FSTL5: variants seen among roughly 807,000 people sequenced by gnomAD.
FSTL5 encodes the protein follistatin-related protein 5.
A neutral mutation model predicts 89.1 loss-of-function variants in FSTL5; 62 were observed. The observed-to-expected ratio is 0.70, with a 90% CI of 0.57 to 0.86. The LOEUF (loss-of-function observed/expected upper bound fraction) is 0.86. Among genes scored for constraint, FSTL5 ranks in the 40% least tolerant of loss-of-function variants. The pLI is 0.00. For synonymous variants in FSTL5, 383 were observed against 346.2 expected (o/e 1.11, Z -1.18); for missense variants, 1,057 against 1,001.6 (o/e 1.06, Z -0.75).
intron 4 of FSTL5, among the ~76,000 whole-genome samples, chr4:161,806,432 A>C (rs971834882): frequency 6.6e-6 from 1 of 152,138 alleles, no homozygotes; most frequent in Non-Finnish European, 1.5e-5. Context: ...AGGAAAAATG[A>C]GATGCATGTT....
At chr4:161,802,382 GC>G (rs1729826378) in intron 4 of FSTL5, among the ~76,000 whole-genome samples, 1 of 151,726 alleles carries the variant, frequency 6.6e-6, no homozygotes, top group Non-Finnish European at 1.5e-5. Flanking sequence ...CACAGTGAGT[GC>G]CCTTATAATT....
At chr4:161,597,337 T>C (rs1191339313) in intron 7 of FSTL5, among the ~76,000 whole-genome samples, 1 of 151,924 alleles carries the variant, frequency 6.6e-6, no homozygotes, top group East Asian at 2.0e-4. Flanking sequence ...GATCAGATAG[T>C]TGTAAGCTGG....
chr4:161,393,828 A>G (rs942098763), intron 15 of FSTL5, among the ~76,000 whole-genome samples: 5 of 152,136 alleles, frequency 3.3e-5, no homozygotes, highest in African/African-American at 1.2e-4. Flanking sequence ...CCTATAAATG[A>G]GCAGACAAGG....
At chr4:161,897,529 C>T (rs991779593) in intron 4 of FSTL5, among the ~76,000 whole-genome samples, 15 of 137,022 alleles carry the variant, frequency 1.1e-4, no homozygotes, top group Admixed American at 1.1e-3. Flanking sequence ...GAGCCAAGAT[C>T]GTGCCATTGC....
At chr4:162,021,643 G>A (rs1337798400) in intron 3 of FSTL5, among the ~76,000 whole-genome samples, 1 of 152,144 alleles carries the variant, frequency 6.6e-6, no homozygotes, top group Non-Finnish European at 1.5e-5. Context: ...CAGCAACATG[G>A]ATGGAATTGG....
intron 8 of FSTL5, among the ~76,000 whole-genome samples, chr4:161,565,793 T>C (rs960645707): frequency 1.1e-4 from 11 of 104,594 alleles, no homozygotes; most frequent in African/African-American, 4.0e-4. Flanking sequence ...ATATATATGA[T>C]ATTTTCTTTA....
chr4:161,849,811 T>C (rs1352120317), intron 4 of FSTL5, among the ~76,000 whole-genome samples: 1 of 152,172 alleles, frequency 6.6e-6, no homozygotes, highest in Admixed American at 6.5e-5. Context: ...TTAACTTATA[T>C]AACCTATAAA....
At chr4:161,559,877 G>A (rs748810970) in intron 8 of FSTL5, among the ~76,000 whole-genome samples, 14 of 151,806 alleles carry the variant, frequency 9.2e-5, no homozygotes, top group East Asian at 1.9e-4. Flanking sequence ...ATATGGTATA[G>A]CCAATATAGC....
intron 4 of FSTL5, among the ~76,000 whole-genome samples, chr4:161,803,230 C>A (rs1016133437): frequency 4.6e-5 from 7 of 151,852 alleles, no homozygotes; most frequent in African/African-American, 1.7e-4. Flanking sequence ...CAGGTTCATG[C>A]TACGACTATA....
chr4:161,954,960 G>T (rs148720148), intron 3 of FSTL5, among the ~76,000 whole-genome samples: 59 of 151,616 alleles, frequency 3.9e-4, no homozygotes, highest in African/African-American at 1.4e-3. Flanking sequence ...AAGTAATAAT[G>T]ACAACATGTT....
At chr4:162,017,467 G>C (rs2111147346) in intron 3 of FSTL5, among the ~76,000 whole-genome samples, 1 of 152,210 alleles carries the variant, frequency 6.6e-6, no homozygotes, top group Non-Finnish European at 1.5e-5. Context: ...GACCATATAA[G>C]GTGGCAGATG....
chr4:161,564,623 ATACT>A (rs1732735432), intron 8 of FSTL5, among the ~76,000 whole-genome samples: 1 of 151,566 alleles, frequency 6.6e-6, no homozygotes, highest in South Asian at 2.1e-4. Flanking sequence ...TTTCAAAATG[ATACT>A]TATAATCTTT....
At chr4:161,820,169 A>C (rs1730448011) in intron 4 of FSTL5, among the ~76,000 whole-genome samples, 1 of 152,184 alleles carries the variant, frequency 6.6e-6, no homozygotes, top group Non-Finnish European at 1.5e-5. Context: ...ATAGCAATTG[A>C]TAGAAATATT....
intron 4 of FSTL5, among the ~76,000 whole-genome samples, chr4:161,906,556 A>G (rs1733535423): frequency 6.6e-6 from 1 of 152,112 alleles, no homozygotes; most frequent in African/African-American, 2.4e-5. Flanking sequence ...GTAAGGATGT[A>G]CTTCTGTCAG....
intron 7 of FSTL5, among the ~76,000 whole-genome samples, chr4:161,654,569 C>A (rs1736451783): frequency 6.6e-6 from 1 of 152,014 alleles, no homozygotes; most frequent in African/African-American, 2.4e-5. Context: ...TAGAAAAGCT[C>A]TATCAAAATA....
intron 3 of FSTL5, among the ~76,000 whole-genome samples, chr4:161,921,063 C>A (rs1733981635): frequency 6.6e-6 from 1 of 152,102 alleles, no homozygotes; most frequent in Non-Finnish European, 1.5e-5. Context: ...GTTGTTCGAA[C>A]TATTACATGT....
In FSTL5 at chr4:161,744,849, A is replaced by G. The variant is rs79180592; in HGVS notation, c.727+14562T>C. On this transcript the variant is annotated intron_variant, in intron 6 of 15. Coordinates refer to ENST00000306100, the MANE Select transcript of FSTL5 (RefSeq NM_020116.5). ...TTATGTGGTGACAGTTACATAATAT[A>G]GAACCAAATTTTAATGCTTTCAGGT... 9.4e-3 allele frequency among the ~76,000 whole-genome samples: 1,425 copies of G among 152,246 alleles called. 28 individuals are homozygous for G. Among genetic ancestry groups the G allele is most frequent in the African/African-American group, 0.032 (1,345 of 41,564 alleles).
At chr4:161,665,061 G>C (rs550386158) in intron 6 of FSTL5, among the ~76,000 whole-genome samples, 1 of 152,246 alleles carries the variant, frequency 6.6e-6, no homozygotes, top group African/African-American at 2.4e-5. Flanking sequence ...TTAAAGTTGA[G>C]ATTTGGGTGC....
chr4:162,034,229 A>G (rs1737647079), intron 2 of FSTL5, among the ~76,000 whole-genome samples: 1 of 152,170 alleles, frequency 6.6e-6, no homozygotes, highest in African/African-American at 2.4e-5. Flanking sequence ...ATAAATAATC[A>G]TGCCTCTCAA....
Sources: gnomAD v4.1 joint callset for allele counts (sites outside exome capture counted in the v4.1 genomes callset) on GRCh38, gnomAD v4.1.1 for gene constraint, MANE v1.5 for transcripts, NCBI Gene and HGNC (gene_info 2026-07-23, HGNC 2026-07-21) for gene names.